Variants in EPS15L1 observed in about 807,000 individuals in gnomAD.
The protein encoded by EPS15L1 is epidermal growth factor receptor pathway substrate 15 like 1, also known as epidermal growth factor receptor substrate 15-like 1.
Under a neutral mutation model 117.1 loss-of-function variants are expected in EPS15L1, and 43 were observed. That is an observed-to-expected ratio of 0.37 (90% CI 0.29 to 0.47). EPS15L1 has a LOEUF of 0.47. Ranked by LOEUF, EPS15L1 falls within the 20% of genes least tolerant of loss-of-function variation. The probability of loss-of-function intolerance (pLI) is 0.99; values close to 1 mark genes in which losing one functional copy is unlikely to be tolerated. For synonymous variants in EPS15L1, 459 were observed against 470.5 expected, an observed-to-expected ratio of 0.98 and a Z score of 0.32; for missense variants, 981 against 1,164.0, an observed-to-expected ratio of 0.84 and a Z score of 2.29.
intron 1 of EPS15L1, among the ~76,000 whole-genome samples, chr19:16,465,812 G>T (rs2093299554): frequency 6.6e-6 from 1 of 151,996 alleles, no homozygotes; most frequent in South Asian, 2.1e-4. Flanking sequence ...AAACAAATGA[G>T]GTTAGGAGAT....
At chr19:16,441,060 G>A (rs2093026744) in intron 3 of EPS15L1, 151 bp from the exon 4 acceptor site, 4 of 770,824 alleles carry the variant, frequency 5.2e-6, no homozygotes, top group South Asian at 2.9e-5. Context: ...CCAATTCAGA[G>A]CAGGTGAATG....
intron 1 of EPS15L1, among the ~76,000 whole-genome samples, chr19:16,464,746 T>TAACACC (rs781463314): frequency 4.6e-5 from 7 of 151,950 alleles, no homozygotes; most frequent in Non-Finnish European, 1.0e-4. Flanking sequence ...ACACTAACAC[T>TAACACC]AACACTAACA....
chr19:16,442,141 C>G, intron 2 of EPS15L1, 37 bp downstream of exon 2: 1 of 1,591,730 alleles, frequency 6.3e-7, no homozygotes, highest in Non-Finnish European at 8.6e-7. Flanking sequence ...CTCAGGCATG[C>G]TCTAGTTCCA....
In EPS15L1 at chr19:16,404,657, G is replaced by T; in HGVS notation, c.1359C>A (p.Asp453Glu). 1 of 1,614,172 alleles carries T rather than the reference G, an allele frequency of 6.2e-7. No individual in the cohort carries two copies. The highest frequency in any genetic ancestry group is 8.5e-7 in the Non-Finnish European group (1 of 1,180,024). The change falls in exon 14 of 24, where the codon GAC becomes GAA. Residue 453 changes from aspartate to glutamate, a missense_variant. Coordinates refer to ENST00000455140, the MANE Select transcript of EPS15L1 (RefSeq NM_001258374.3). This position sits in a 1 kb window ranked among gnomAD's most constrained non-coding sequence, Gnocchi z 4.2. ...TGTCTCGGAGCTTGGCCTTCTGCTG[G>T]TCCATCTCGTCCAGGCGGTCTTGAG... ...QDAQDRLDEMDQQKAKLRDML... is the reference protein window; with the variant it reads ...QDAQDRLDEMEQQKAKLRDML...
At chr19:16,448,350 G>GAGAA (rs1429176729) in intron 1 of EPS15L1, among the ~76,000 whole-genome samples, 1 of 151,824 alleles carries the variant, frequency 6.6e-6, no homozygotes, top group Non-Finnish European at 1.5e-5. Context: ...GACCTACATG[G>GAGAA]AGAAACCCCA....
Position 16,371,050 on chromosome 19 carries a change from C to T in EPS15L1, c.2380+6072G>A, listed in dbSNP as rs574822146. Among the ~76,000 whole-genome samples, 6 of 152,316 alleles carry T rather than the reference C, an allele frequency of 3.9e-5. No homozygotes were observed. The highest frequency in any genetic ancestry group is 2.1e-4 in the South Asian group (1 of 4,830). ...TATCTCTCTGAGATCATCGTGGGAACGAAATTGAAGTAGTTAAGTTCAAGG... is the reference window on the plus strand; with the variant it reads ...TATCTCTCTGAGATCATCGTGGGAATGAAATTGAAGTAGTTAAGTTCAAGG... On this transcript the variant is annotated intron_variant, in intron 22 of 23. Transcript: ENST00000455140. The surrounding 1 kb of genome is among the most constrained non-coding windows in gnomAD (Gnocchi z 4.7).
chr19:16,443,878 C>A (rs551075466), intron 1 of EPS15L1, among the ~76,000 whole-genome samples: 1 of 151,816 alleles, frequency 6.6e-6, no homozygotes, highest in African/African-American at 2.4e-5. Context: ...GTCTGGCCAA[C>A]ATAGTGAAAC....
chr19:16,408,443 G>GTGAA (rs1251769041), intron 13 of EPS15L1, among the ~76,000 whole-genome samples: 1 of 150,470 alleles, frequency 6.6e-6, no homozygotes, highest in African/African-American at 2.5e-5. Flanking sequence ...GGCTAACATG[G>GTGAA]TGAAACCCAG....
intron 1 of EPS15L1, among the ~76,000 whole-genome samples, chr19:16,460,856 T>C (rs1461556374): frequency 6.6e-6 from 1 of 152,218 alleles, no homozygotes; most frequent in Non-Finnish European, 1.5e-5. Context: ...TCCATCCCCA[T>C]AACCGTACAG....
intron 23 of EPS15L1, chr19:16,361,485 G>A (rs2092049978): frequency 4.9e-6 from 4 of 812,228 alleles, no homozygotes; most frequent in Admixed American, 9.5e-5. Context: ...GCCTCGGTGC[G>A]TCAGAAATAA....
intron 16 of EPS15L1, among the ~76,000 whole-genome samples, chr19:16,399,681 G>GA (rs1190946461): frequency 7.2e-6 from 1 of 139,506 alleles, no homozygotes; most frequent in African/African-American, 2.6e-5. Flanking sequence ...GCTTTTTGGG[G>GA]TTTTTTTTTT....
chr19:16,402,100 C>T, intron 16 of EPS15L1: 1 of 1,322,294 alleles, frequency 7.6e-7, no homozygotes, highest in Non-Finnish European at 9.6e-7. Flanking sequence ...GGATCCAGGC[C>T]TATCTTGGAC....
intron 1 of EPS15L1, among the ~76,000 whole-genome samples, chr19:16,450,810 G>C (rs75449023): frequency 1.3e-5 from 2 of 151,466 alleles, no homozygotes; most frequent in East Asian, 2.0e-4. Flanking sequence ...TGCTGGTCTC[G>C]CAAGGTGGTC....
intron 1 of EPS15L1, among the ~76,000 whole-genome samples, chr19:16,443,094 T>C (rs1486764235): frequency 6.6e-6 from 1 of 152,120 alleles, no homozygotes; most frequent in Non-Finnish European, 1.5e-5. Flanking sequence ...GGTGTTTTAG[T>C]AAGTGAGGTG....
Position 16,373,628 on chromosome 19 carries a change from T to C in EPS15L1, c.2380+3494A>G, listed in dbSNP as rs185024222. 4.1e-4 allele frequency among the ~76,000 whole-genome samples: 63 copies of C among 152,274 alleles called. No individual in the cohort carries two copies. In the East Asian group the frequency reaches 0.012, roughly 28 times the overall value. ...CTCATCTGCTGACCGCTCTTGCCCA[T>C]AACCAGAGGCCTCCTGGGCTGCACG... On this transcript the variant is annotated intron_variant, in intron 22 of 23. Coordinates refer to ENST00000455140, the MANE Select transcript of EPS15L1 (RefSeq NM_001258374.3).
chr19:16,443,721 AG>A (rs2093054445), intron 1 of EPS15L1: 1 of 151,722 alleles, frequency 6.6e-6, no homozygotes, highest in Non-Finnish European at 1.5e-5. Context: ...AAAAATAAAA[AG>A]AAAAAAATAA....
At chr19:16,392,015 G>A (rs1166732828) in intron 19 of EPS15L1, among the ~76,000 whole-genome samples, 2 of 152,208 alleles carry the variant, frequency 1.3e-5, no homozygotes, top group African/African-American at 4.8e-5. Flanking sequence ...TGGGGATAGA[G>A]AAATAAGAAC....
At chr19:16,392,522 C>A (rs1017355594) in intron 18 of EPS15L1, 82 bp from the exon 19 acceptor site, 12 of 1,321,578 alleles carry the variant, frequency 9.1e-6, no homozygotes, top group Non-Finnish European at 1.3e-5. Context: ...CAGAATGATG[C>A]CGTTTACATG....
intron 1 of EPS15L1, among the ~76,000 whole-genome samples, chr19:16,462,190 T>C (rs1035505004): frequency 6.6e-6 from 1 of 152,192 alleles, no homozygotes; most frequent in African/African-American, 2.4e-5. Flanking sequence ...ACAGGGACAA[T>C]GGCACCATTG....
Sources: allele counts gnomAD v4.1 joint callset (sites outside exome capture counted in the v4.1 genomes callset), GRCh38; gene constraint gnomAD v4.1.1; non-coding constraint Gnocchi (gnomAD v3.1); transcripts MANE v1.5; gene names NCBI Gene and HGNC (gene_info 2026-07-23, HGNC 2026-07-21).